DCC: variants seen among roughly 807,000 people sequenced by gnomAD.
The protein encoded by DCC is DCC netrin 1 receptor.
A neutral mutation model predicts 172.5 loss-of-function variants in DCC; 58 were observed. The observed-to-expected ratio is 0.34, with a 90% CI of 0.27 to 0.42. The LOEUF is 0.42. Ranked by LOEUF, DCC falls within the 10% of genes least tolerant of loss-of-function variation. DCC has a pLI of 1.00. For missense variants in DCC, 1,740 were observed against 1,791.0 expected (o/e 0.97, Z 0.51); for synonymous variants, 709 against 644.5 (o/e 1.10, Z -1.52).
At chr18:52,474,978 A>T (rs1221971) in intron 1 of DCC, among the ~76,000 whole-genome samples, 31,424 of 152,158 alleles carry the variant, frequency 0.21, 4,115 homozygotes, top group Non-Finnish European at 0.29. Context: ...GATATTAGTT[A>T]TTCTTTGGAG....
intron 5 of DCC, among the ~76,000 whole-genome samples, chr18:53,044,576 G>A (rs990570841): frequency 1.3e-5 from 2 of 151,572 alleles, no homozygotes; most frequent in African/African-American, 2.4e-5. Context: ...TTTACTCAGG[G>A]CTCATTACTT....
At chr18:53,405,483 TACCCAGTGGGCACTGAC>T (rs886942705) in intron 19 of DCC, among the ~76,000 whole-genome samples, 2 of 152,198 alleles carry the variant, frequency 1.3e-5, no homozygotes, top group African/African-American at 4.8e-5. Flanking sequence ...AAGCCCCTGA[TACCCAGTGGGCACTGAC>T]ACGAATCGGC....
intron 5 of DCC, among the ~76,000 whole-genome samples, chr18:52,965,616 A>T (rs1390745951): frequency 6.6e-6 from 1 of 152,190 alleles, no homozygotes; most frequent in Non-Finnish European, 1.5e-5. Flanking sequence ...TTCTTCAGAA[A>T]GGTATTTGGT....
chr18:52,650,261 G>A (rs2035105632), intron 1 of DCC, among the ~76,000 whole-genome samples: 1 of 152,050 alleles, frequency 6.6e-6, no homozygotes, highest in African/African-American at 2.4e-5. Context: ...TTACAGGTGT[G>A]AGCCACCACA....
At chr18:53,361,413 C>T (rs1404256548) in intron 15 of DCC, among the ~76,000 whole-genome samples, 1 of 152,044 alleles carries the variant, frequency 6.6e-6, no homozygotes, top group Non-Finnish European at 1.5e-5. Flanking sequence ...AATAAAGCAG[C>T]ATAACTAACA....
At chr18:52,970,423 T>A (rs1380586896) in intron 5 of DCC, among the ~76,000 whole-genome samples, 1 of 152,122 alleles carries the variant, frequency 6.6e-6, no homozygotes, top group African/African-American at 2.4e-5. Flanking sequence ...TTTTCAGTTT[T>A]CCAAAACTCA....
chr18:52,535,250 G>T (rs1412099671), intron 1 of DCC, among the ~76,000 whole-genome samples: 1 of 152,158 alleles, frequency 6.6e-6, no homozygotes, highest in Non-Finnish European at 1.5e-5. Flanking sequence ...CACTTTCTGG[G>T]TATATTGGTG....
intron 1 of DCC, among the ~76,000 whole-genome samples, chr18:52,408,349 T>A (rs1346279504): frequency 6.6e-6 from 1 of 152,062 alleles, no homozygotes; most frequent in Non-Finnish European, 1.5e-5. Flanking sequence ...AAAGTCTTTT[T>A]AAAAATTTTT....
At chr18:52,642,044 ATACTGTGGTGTGTGTGTG>A (rs1298852041) in intron 1 of DCC, among the ~76,000 whole-genome samples, 2,056 of 11,062 alleles carry the variant, frequency 0.19, 64 homozygotes, top group East Asian at 0.32. Flanking sequence ...ATATATATAT[ATACTGTGGTGTGTGTGTG>A]TATATATATA....
chr18:52,366,257 G>A (rs542328741), intron 1 of DCC, among the ~76,000 whole-genome samples: 43 of 152,202 alleles, frequency 2.8e-4, no homozygotes, highest in South Asian at 1.7e-3. Flanking sequence ...GGACCCTCGC[G>A]GTGAGTGTTA....
intron 1 of DCC, among the ~76,000 whole-genome samples, chr18:52,700,518 C>T (rs1192764846): frequency 6.6e-6 from 1 of 152,138 alleles, no homozygotes; most frequent in African/African-American, 2.4e-5. Flanking sequence ...CTAAAATTGC[C>T]CCCCACAGGC....
At chr18:52,839,746 A>G (rs2038771955) in intron 2 of DCC, among the ~76,000 whole-genome samples, 2 of 152,130 alleles carry the variant, frequency 1.3e-5, no homozygotes, top group Non-Finnish European at 2.9e-5. Context: ...GTGCCTTTTC[A>G]CCTTCAGTTT....
rs942442953 is a variant in DCC at position 53,527,089 on chromosome 18, ACGTGTG to A, written c.4254+331_4254+336del. 2.0e-4 allele frequency: 59 copies of A among 297,220 alleles called. No homozygotes were observed. In the East Asian group the frequency reaches 4.0e-3, roughly 20 times the overall value. 18.4% of individuals were successfully genotyped at this position (297,220 alleles called of 1,614,324 possible). A position where few individuals can be genotyped will look rare whatever the true frequency, so the allele number is the denominator to read the frequency against. On this transcript the variant is annotated intron_variant, in intron 28 of 28. Coordinates refer to ENST00000442544, the MANE Select transcript of DCC (RefSeq NM_005215.4). ...ATATACACATGATATACACATGGATACGTGTGTGTGTGTGTGTGTGTGTGTGTGTGT... is the reference window on the plus strand; with the variant it reads ...ATATACACATGATATACACATGGATATGTGTGTGTGTGTGTGTGTGTGTGT...
chr18:52,858,576 T>C (rs147947841), intron 2 of DCC, among the ~76,000 whole-genome samples: 1,637 of 152,280 alleles, frequency 0.011, 14 homozygotes, highest in Non-Finnish European at 0.017. Flanking sequence ...TGAAGGGTCT[T>C]CTGGGTCCCC....
chr18:52,362,802 C>A (rs1984679489), intron 1 of DCC, among the ~76,000 whole-genome samples: 2 of 152,164 alleles, frequency 1.3e-5, no homozygotes, highest in South Asian at 4.2e-4. Flanking sequence ...CCCCTCCTCC[C>A]TCCATAAACC....
chr18:53,506,600 G>T (rs192046066), intron 27 of DCC, among the ~76,000 whole-genome samples: 1 of 152,082 alleles, frequency 6.6e-6, no homozygotes, highest in Admixed American at 6.6e-5. Flanking sequence ...GCTCACACCC[G>T]TAATCCTAGC....
At chr18:53,435,534 A>G (rs951702185) in intron 22 of DCC, among the ~76,000 whole-genome samples, 5 of 152,324 alleles carry the variant, frequency 3.3e-5, no homozygotes, top group Admixed American at 6.5e-5. Flanking sequence ...GTTACAATAC[A>G]TTTAAGATGT....
intron 2 of DCC, among the ~76,000 whole-genome samples, chr18:52,797,325 T>C (rs76842473): frequency 0.043 from 6,580 of 152,330 alleles, 222 homozygotes; most frequent in South Asian, 0.16. Flanking sequence ...TTCCTTTTTT[T>C]GTTTCTTGTG....
intron 20 of DCC, among the ~76,000 whole-genome samples, chr18:53,411,223 G>A (rs13381167): frequency 0.43 from 65,716 of 151,958 alleles, 16,008 homozygotes; most frequent in Non-Finnish European, 0.56. Flanking sequence ...ATATTTTCAT[G>A]TAAGTACTTA....
Sources: allele counts gnomAD v4.1 joint callset (sites outside exome capture counted in the v4.1 genomes callset), GRCh38; gene constraint gnomAD v4.1.1; transcripts MANE v1.5; gene names NCBI Gene and HGNC (gene_info 2026-07-23, HGNC 2026-07-21).